FAT4: variants seen among roughly 807,000 people sequenced by gnomAD.
The protein encoded by FAT4 is FAT atypical cadherin 4.
In FAT4, 84 loss-of-function variants were observed where a neutral mutation model predicts 303.9. That is an observed-to-expected ratio of 0.28 (90% CI 0.23 to 0.33). The LOEUF is 0.33. Among genes scored for constraint, FAT4 ranks in the 10% least tolerant of loss-of-function variants. FAT4 has a pLI of 1.00. For synonymous variants in FAT4, 2,307 were observed against 2,298.8 expected, an observed-to-expected ratio of 1.00 and a Z score of -0.10; for missense variants, 6,005 against 6,146.8, an observed-to-expected ratio of 0.98 and a Z score of 0.77.
chr4:125,383,712 T>A (rs1456156046), intron 2 of FAT4, among the ~76,000 whole-genome samples: 3 of 152,166 alleles, frequency 2.0e-5, no homozygotes, highest in African/African-American at 7.2e-5. Flanking sequence ...GAAACATGGT[T>A]TTCCAGTACG....
intron 12 of FAT4, 37 bp downstream of exon 12, chr4:125,468,856 C>T: frequency 6.4e-7 from 1 of 1,556,802 alleles, no homozygotes; most frequent in Non-Finnish European, 8.7e-7. Flanking sequence ...GTATATCCAA[C>T]TGGATCTTCA....
At chr4:125,389,651 G>T (rs1009694668) in intron 2 of FAT4, among the ~76,000 whole-genome samples, 4 of 152,088 alleles carry the variant, frequency 2.6e-5, no homozygotes, top group Admixed American at 2.6e-4. Context: ...CATAGAATGA[G>T]TTGGTAGGTC....
Position 125,416,528 on chromosome 4 carries a change from T to G in FAT4, c.6924T>G (p.Phe2308Leu), listed in dbSNP as rs1359022282. ...TTGGTGGTAATGAAGACAATGCTTT[T>G]ACTCTCTCAGCCAGTGGAGAACTTG... is the stretch of plus-strand genomic sequence containing the variant. ...VLFGGNEDNA[F>L]TLSASGELGV... Residue 2308 changes from phenylalanine (F) to leucine (L), a missense_variant, in exon 7 of 18, where the codon TTT (phenylalanine) becomes TTG (leucine). By Grantham distance (22) the Phe-to-Leu change is conservative. Coordinates refer to ENST00000394329, the MANE Select transcript of FAT4 (RefSeq NM_001291303.3). 1.2e-6 allele frequency: 2 copies of G among 1,613,962 alleles called. No homozygotes were observed. The highest frequency in any genetic ancestry group is 2.7e-5 in the African/African-American group (2 of 74,928).
At position 125,452,070 on chromosome 4, in the gene FAT4, G is replaced by A. The variant is rs1342580766; in HGVS notation, c.11060G>A (p.Ser3687Asn). The change falls in exon 10 of 18, where the codon AGC becomes AAC. Residue 3687 changes from serine (S) to asparagine (N), a missense_variant. By Grantham distance (46) the Ser-to-Asn change is conservative. Coordinates refer to ENST00000394329, the MANE Select transcript of FAT4 (RefSeq NM_001291303.3). ...TDGTFDLTVL[S>N]NDGVHSTVTS... ...GGCACGTTTGATCTGACTGTCCTTA[G>A]CAATGATGGAGTTCACAGCACAGTC... 6 of 1,614,012 alleles carry A rather than the reference G, an allele frequency of 3.7e-6. No individual in the cohort carries two copies. Among genetic ancestry groups the A allele is most frequent in the Non-Finnish European group, 5.1e-6 (6 of 1,180,026 alleles).
intron 2 of FAT4, among the ~76,000 whole-genome samples, chr4:125,390,627 G>C (rs184517150): frequency 6.6e-6 from 1 of 152,212 alleles, no homozygotes; most frequent in Admixed American, 6.6e-5. Flanking sequence ...ATAAACTGAG[G>C]CATCATTTAG....
chr4:125,325,398 G>C (rs1255987286), intron 2 of FAT4, among the ~76,000 whole-genome samples: 1 of 152,110 alleles, frequency 6.6e-6, no homozygotes, highest in Non-Finnish European at 1.5e-5. Flanking sequence ...TTACTCGAAA[G>C]CTCAAATTTC....
At chr4:125,462,666 A>G (rs190641641) in intron 10 of FAT4, among the ~76,000 whole-genome samples, 54 of 152,138 alleles carry the variant, frequency 3.5e-4, no homozygotes, top group Admixed American at 3.4e-3. Flanking sequence ...TGAAACCTGG[A>G]TATGGGAGCA....
Position 125,321,252 on chromosome 4 carries a change from C to A in FAT4, c.4841C>A (p.Thr1614Asn). 6.2e-7 allele frequency: 1 copy of A among 1,614,072 alleles called. No individual in the cohort carries two copies. The highest frequency in any genetic ancestry group is 2.2e-5 in the East Asian group (1 of 44,874). ...CTTGGGCCTGAAAGGAGGAAATCGA[C>A]CACTGAATTGACCATCATTCTTCAG... ...TDLGPERRKS[T>N]TELTIILQGL... The change falls in exon 2 of 18, where the codon ACC becomes AAC. Residue 1614 changes from threonine (T) to asparagine (N), a missense_variant. Coordinates refer to ENST00000394329, the MANE Select transcript of FAT4 (RefSeq NM_001291303.3).
In FAT4 at chr4:125,408,782, G is replaced by C. The variant is rs1734729456; in HGVS notation, c.5908G>C (p.Asp1970His). 1 of 1,477,044 alleles carries C rather than the reference G, an allele frequency of 6.8e-7. No homozygotes were observed. The highest frequency in any genetic ancestry group is 9.2e-7 in the Non-Finnish European group (1 of 1,092,594). The allele number at this position is 1,477,044 out of a possible 1,614,324, so 91.5% of individuals were successfully genotyped here. A position where few individuals can be genotyped will look rare whatever the true frequency, so the allele number is the denominator to read the frequency against. The change falls in exon 5 of 18, where the codon GAT (aspartate) becomes CAT (histidine). Residue 1970 changes from aspartate (D) to histidine (H), a missense_variant. Asp to His is a moderately conservative substitution (Grantham distance 81). Transcript: ENST00000394329. ...GSTVLVFNVT[D>H]ADDGINSQLT... ...TACTGTTCTTGTGTTTAATGTTACT[G>C]ATGCAGATGATGGTATGTATTTTAT...
rs775906121 is a variant in FAT4, at chr4:125,477,338, T to C, written c.12479+4T>C. The C allele has an allele frequency of 6.4e-6, 10 of 1,551,990 alleles. No individual in the cohort carries two copies. Among genetic ancestry groups the C allele is most frequent in the East Asian group, 2.4e-5 (1 of 42,206 alleles). On this transcript the variant is annotated splice_donor_region_variant and intron_variant, in intron 14 of 17. Transcript: ENST00000394329. ...CAGCACAAGGCATCCTAGATCAGTA[T>C]GGCGATTTTATTTCTTACTGTTTTA...
chr4:125,316,545 C>A lies in FAT4; in HGVS notation c.134C>A (p.Pro45Gln), dbSNP rs766959653. ...PGQAWVHGAE[P>Q]RQVFQVLEEQ... ...CAGGCCTGGGTCCACGGGGCCGAGC[C>A]GCGCCAGGTGTTCCAAGTGCTGGAA... The change falls in exon 2 of 18, where the codon CCG becomes CAG. Residue 45 changes from proline to glutamine, a missense_variant. Physicochemically the swap from Pro to Gln is moderately conservative, Grantham distance 76. Transcript: ENST00000394329. This position sits in a 1 kb window ranked among gnomAD's most constrained non-coding sequence, Gnocchi z 5.7. The A allele has an allele frequency of 1.6e-5, 26 of 1,614,050 alleles. No homozygotes were observed. The highest frequency in any genetic ancestry group is 1.5e-4 in the South Asian group (14 of 91,084).
At chr4:125,460,182 A>G (rs1347093004) in intron 10 of FAT4, among the ~76,000 whole-genome samples, 2 of 152,112 alleles carry the variant, frequency 1.3e-5, no homozygotes, top group Admixed American at 6.6e-5. Context: ...ATTTTTAAAT[A>G]GTAAATAATT....
intron 2 of FAT4, among the ~76,000 whole-genome samples, chr4:125,361,468 C>A (rs1732666067): frequency 1.3e-5 from 2 of 152,176 alleles, no homozygotes; most frequent in African/African-American, 4.8e-5. Flanking sequence ...AAGTCATTGT[C>A]TTTGTTTAAA....
intron 2 of FAT4, among the ~76,000 whole-genome samples, chr4:125,370,843 T>C (rs954242754): frequency 6.6e-6 from 1 of 152,134 alleles, no homozygotes; most frequent in Admixed American, 6.5e-5. Context: ...GTTCTCTTTA[T>C]TAATCAGAGT....
chr4:125,468,703 G>A lies in FAT4; in HGVS notation c.12097G>A (p.Ala4033Thr), dbSNP rs1328584807. Residue 4033 changes from alanine to threonine, a missense_variant, in exon 12 of 18, where the codon GCC (alanine) becomes ACC (threonine). By Grantham distance (58) the Ala-to-Thr change is moderately conservative. Coordinates refer to ENST00000394329, the MANE Select transcript of FAT4 (RefSeq NM_001291303.3). ...GGCTGAGTTTTTGGCCCTTGAAATT[G>A]CCGAAGAAAGACTAAGATTCTCTTA... ...DRAEFLALEI[A>T]EERLRFSYNL... The A allele has an allele frequency of 1.2e-6, 2 of 1,614,098 alleles. No homozygotes were observed. Among genetic ancestry groups the A allele is most frequent in the Non-Finnish European group, 1.7e-6 (2 of 1,180,002 alleles).
intron 7 of FAT4, among the ~76,000 whole-genome samples, chr4:125,432,239 T>C (rs1288891930): frequency 6.6e-6 from 1 of 152,134 alleles, no homozygotes; most frequent in Non-Finnish European, 1.5e-5. Context: ...TTGTCAGTGG[T>C]AAAGACTCCA....
At chr4:125,384,285 C>T (rs1733654647) in intron 2 of FAT4, among the ~76,000 whole-genome samples, 3 of 152,124 alleles carry the variant, frequency 2.0e-5, no homozygotes, top group African/African-American at 4.8e-5. Flanking sequence ...ATATTCTCAC[C>T]AACAACATAT....
rs763149272 is a variant in FAT4 at position 125,449,454 on chromosome 4, A to G, written c.8444A>G (p.Asp2815Gly). ...GCAATTAGTAGATATTCTATAATGG[A>G]TGCAAGTCTTCCATTTACAATTAAT... ...INAISRYSIMDASLPFTINPS... is the reference protein window; with the variant it reads ...INAISRYSIMGASLPFTINPS... The change falls in exon 10 of 18, where the codon GAT (aspartate) becomes GGT (glycine). Residue 2815 changes from aspartate (D) to glycine (G), a missense_variant. Physicochemically the swap from Asp to Gly is moderately conservative, Grantham distance 94 (BLOSUM62 -1). Coordinates refer to ENST00000394329, the MANE Select transcript of FAT4 (RefSeq NM_001291303.3). 1.9e-6 allele frequency: 3 copies of G among 1,613,872 alleles called. No homozygotes were observed. The highest frequency in any genetic ancestry group is 2.7e-5 in the African/African-American group (2 of 75,016).
rs1730577895 is a variant in FAT4, at chr4:125,316,205, C to T, written c.-12-195C>T. 6.6e-6 allele frequency among the ~76,000 whole-genome samples: 1 copy of T among 152,172 alleles called. No individual in the cohort carries two copies. Among genetic ancestry groups the T allele is most frequent in the Admixed American group, 6.5e-5 (1 of 15,284 alleles). ...CCTGCCGCTTTTCGCCACAGCATCT[C>T]TCTTGCACTCCGCGTTCAACTGGCT... On this transcript the variant is annotated intron_variant, in intron 1 of 17. Coordinates refer to ENST00000394329, the MANE Select transcript of FAT4 (RefSeq NM_001291303.3). This position sits in a 1 kb window ranked among gnomAD's most constrained non-coding sequence, Gnocchi z 5.7.
Sources: allele counts gnomAD v4.1 joint callset (sites outside exome capture counted in the v4.1 genomes callset), GRCh38; gene constraint gnomAD v4.1.1; non-coding constraint Gnocchi (gnomAD v3.1); transcripts MANE v1.5; gene names NCBI Gene and HGNC (gene_info 2026-07-23, HGNC 2026-07-21).